ZNF609: variants seen among roughly 807,000 people sequenced by gnomAD.
ZNF609 encodes zinc finger protein 609.
Under a neutral mutation model 109.5 loss-of-function variants are expected in ZNF609, and 11 were observed. The observed-to-expected ratio is 0.10, with a 90% CI of 0.06 to 0.17. The LOEUF is 0.17. Among genes scored for constraint, ZNF609 ranks in the 10% least tolerant of loss-of-function variants. The probability of loss-of-function intolerance (pLI) is 1.00; values close to 1 mark genes in which losing one functional copy is unlikely to be tolerated. For missense variants in ZNF609, 1,559 were observed against 1,772.4 expected, an observed-to-expected ratio of 0.88 and a Z score of 2.16; for synonymous variants, 646 against 662.0, an observed-to-expected ratio of 0.98 and a Z score of 0.37.
At chr15:64,586,786 C>A (rs984589726) in intron 2 of ZNF609, among the ~76,000 whole-genome samples, 1 of 152,134 alleles carries the variant, frequency 6.6e-6, no homozygotes, top group Non-Finnish European at 1.5e-5. Flanking sequence ...TTAAAGACAG[C>A]AAAAATCTTG....
chr15:64,612,526 C>T (rs533637152), intron 2 of ZNF609, among the ~76,000 whole-genome samples: 71 of 151,968 alleles, frequency 4.7e-4, no homozygotes, highest in African/African-American at 1.5e-3. Context: ...TTCCTCCTTG[C>T]CTCCTGCTAT....
At chr15:64,609,169 T>TTCTG (rs1186055894) in intron 2 of ZNF609, among the ~76,000 whole-genome samples, 3 of 147,546 alleles carry the variant, frequency 2.0e-5, no homozygotes, top group African/African-American at 7.5e-5. Flanking sequence ...CTTTCTTTCT[T>TTCTG]TCTGTCTGTC....
At chr15:64,505,313 T>G (rs1285058154) in intron 2 of ZNF609, among the ~76,000 whole-genome samples, 1 of 101,556 alleles carries the variant, frequency 9.8e-6, no homozygotes, top group East Asian at 3.3e-4. Flanking sequence ...CTTTCTTTAC[T>G]TGGCAATTGC....
intron 1 of ZNF609, among the ~76,000 whole-genome samples, chr15:64,462,320 A>G (rs1596372010): frequency 6.6e-6 from 1 of 152,184 alleles, no homozygotes; most frequent in Non-Finnish European, 1.5e-5. Flanking sequence ...AGACTCAACT[A>G]CGATGTTTGT....
chr15:64,647,930 C>T (rs576148377), intron 3 of ZNF609, among the ~76,000 whole-genome samples: 1 of 152,264 alleles, frequency 6.6e-6, no homozygotes, highest in South Asian at 2.1e-4. Flanking sequence ...GCTTCTTCCA[C>T]CTGTTCTGTG....
rs779178651 is a variant in ZNF609 at position 64,680,117 on chromosome 15, A to C, written c.3770-68A>C. ...TAGGAAAGCTGATGCCCACCCAATC[A>C]AGCTCACTAAAGCAGAGTTTCCTCT... is the stretch of plus-strand genomic sequence containing the variant. On this transcript the variant is annotated intron_variant, in intron 6 of 9. Coordinates refer to ENST00000326648, the MANE Select transcript of ZNF609 (RefSeq NM_015042.2). 544 of 1,548,526 alleles carry C rather than the reference A, an allele frequency of 3.5e-4. 4 individuals are homozygous for C. Among genetic ancestry groups the C allele is most frequent in the South Asian group, 1.5e-3 (127 of 85,186 alleles).
chr15:64,678,037 G>A, intron 5 of ZNF609, 79 bp from the exon 6 acceptor site: 1 of 1,529,018 alleles, frequency 6.5e-7, no homozygotes, highest in East Asian at 2.3e-5. Flanking sequence ...CTGCTCTGGT[G>A]GTTCTACTGG....
intron 2 of ZNF609, among the ~76,000 whole-genome samples, chr15:64,538,990 A>G (rs939412633): frequency 3.3e-5 from 5 of 151,858 alleles, no homozygotes; most frequent in African/African-American, 1.2e-4. Context: ...ATGCACCACC[A>G]TGCCTGACTG....
chr15:64,569,428 A>G (rs1894826663), intron 2 of ZNF609, among the ~76,000 whole-genome samples: 1 of 152,204 alleles, frequency 6.6e-6, no homozygotes, highest in African/African-American at 2.4e-5. Context: ...ATTCTACATT[A>G]TGTTTGAGAT....
At chr15:64,610,986 G>A (rs1193000947) in intron 2 of ZNF609, among the ~76,000 whole-genome samples, 1 of 152,078 alleles carries the variant, frequency 6.6e-6, no homozygotes. Flanking sequence ...TATTTGATTT[G>A]TGGAGTTTTT....
At chr15:64,634,466 A>G (rs1036362088) in intron 3 of ZNF609, among the ~76,000 whole-genome samples, 3 of 152,174 alleles carry the variant, frequency 2.0e-5, no homozygotes, top group African/African-American at 4.8e-5. Context: ...TTTCATGGAA[A>G]TGGTAACCTT....
chr15:64,605,819 C>T (rs1300282404), intron 2 of ZNF609, among the ~76,000 whole-genome samples: 39 of 148,238 alleles, frequency 2.6e-4, no homozygotes, highest in Middle Eastern at 3.5e-3. Flanking sequence ...CTGCAACCTC[C>T]GACTCCCAGG....
intron 3 of ZNF609, among the ~76,000 whole-genome samples, chr15:64,661,362 C>T (rs1227004930): frequency 6.6e-6 from 1 of 152,108 alleles, no homozygotes; most frequent in Non-Finnish European, 1.5e-5. Flanking sequence ...TTGTGTGTTG[C>T]CATGTCCCAG....
At chr15:64,654,828 G>C (rs1053603063) in intron 3 of ZNF609, among the ~76,000 whole-genome samples, 1 of 152,212 alleles carries the variant, frequency 6.6e-6, no homozygotes, top group African/African-American at 2.4e-5. Flanking sequence ...CGGGCACGGT[G>C]GCTCACGCCT....
chr15:64,470,013 A>G, intron 1 of ZNF609, among the ~76,000 whole-genome samples: 1 of 152,212 alleles, frequency 6.6e-6, no homozygotes, highest in East Asian at 1.9e-4. Context: ...ACTTTTGACT[A>G]GTCAGTAGAA....
chr15:64,652,247 C>A (rs777776271), intron 3 of ZNF609, among the ~76,000 whole-genome samples: 1 of 152,134 alleles, frequency 6.6e-6, no homozygotes, highest in African/African-American at 2.4e-5. Flanking sequence ...TGGTCTCCAA[C>A]TCCTGGCCTC....
intron 2 of ZNF609, among the ~76,000 whole-genome samples, chr15:64,591,372 G>C (rs1895293632): frequency 6.6e-6 from 1 of 152,076 alleles, no homozygotes; most frequent in South Asian, 2.1e-4. Context: ...AGGTTGCAGT[G>C]AGCCAAGATC....
Position 64,685,502 on chromosome 15 carries a change from C to T in ZNF609, c.*3816C>T, listed in dbSNP as rs1185255099. 6.5e-6 allele frequency: 1 copy of T among 152,780 alleles called. No homozygotes were observed. The highest frequency in any genetic ancestry group is 6.6e-5 in the Admixed American group (1 of 15,258). The allele number at this position is 152,780 out of a possible 1,614,324, so 9.5% of individuals were successfully genotyped here. A position where few individuals can be genotyped will look rare whatever the true frequency, so the allele number is the denominator to read the frequency against. ...TTCTGGCTTGGCCACTGGCTTAGCC[C>T]AGGAGCTTTACTCTGTGCCCTGGCC... On this transcript the variant is annotated 3_prime_UTR_variant, in exon 10 of 10. Transcript: ENST00000326648.
At chr15:64,547,159 G>A (rs892338515) in intron 2 of ZNF609, among the ~76,000 whole-genome samples, 1 of 152,154 alleles carries the variant, frequency 6.6e-6, no homozygotes, top group Non-Finnish European at 1.5e-5. Context: ...TGCTGCTAGT[G>A]TATAGAAATG....
Sources: allele counts gnomAD v4.1 joint callset (sites outside exome capture counted in the v4.1 genomes callset), GRCh38; gene constraint gnomAD v4.1.1; transcripts MANE v1.5; gene names NCBI Gene and HGNC (gene_info 2026-07-23, HGNC 2026-07-21).